FHOD3: variants seen among roughly 807,000 people sequenced by gnomAD.
FHOD3 encodes FH1/FH2 domain-containing protein 3.
In FHOD3, 90 loss-of-function variants were observed where a neutral mutation model predicts 173.0. The observed-to-expected ratio is 0.52, with a 90% CI of 0.44 to 0.62. The LOEUF is 0.62. Among genes scored for constraint, FHOD3 ranks in the 20% least tolerant of loss-of-function variants. The pLI, the probability that FHOD3 is intolerant of heterozygous loss-of-function variation, is 0.00. For missense variants in FHOD3, 1,945 were observed against 2,034.7 expected (o/e 0.96, Z 0.85); for synonymous variants, 828 against 823.0 (o/e 1.01, Z -0.10).
chr18:36,317,560 T>G (rs2044189363), intron 1 of FHOD3, among the ~76,000 whole-genome samples: 1 of 152,232 alleles, frequency 6.6e-6, no homozygotes, highest in Admixed American at 6.5e-5. Flanking sequence ...TTGCCCACTT[T>G]TTGATGGGGT....
chr18:36,552,562 G>A (rs1470465376), intron 5 of FHOD3, among the ~76,000 whole-genome samples: 3 of 150,100 alleles, frequency 2.0e-5, no homozygotes, highest in African/African-American at 7.4e-5. Context: ...GCAGTGGCGC[G>A]ATCTCGGCTC....
intron 3 of FHOD3, among the ~76,000 whole-genome samples, chr18:36,471,342 C>T (rs1324850203): frequency 3.9e-5 from 6 of 152,212 alleles, no homozygotes; most frequent in Admixed American, 3.9e-4. Flanking sequence ...TTGCATCCTG[C>T]TTTACTGTCT....
intron 2 of FHOD3, among the ~76,000 whole-genome samples, chr18:36,358,521 G>T (rs2046464335): frequency 6.6e-6 from 1 of 152,152 alleles, no homozygotes; most frequent in Non-Finnish European, 1.5e-5. Flanking sequence ...ATAGGTAGAG[G>T]TTGAATCCCA....
intron 7 of FHOD3, among the ~76,000 whole-genome samples, chr18:36,597,712 C>A (rs1568474446): frequency 6.6e-6 from 1 of 152,086 alleles, no homozygotes; most frequent in Non-Finnish European, 1.5e-5. Context: ...AGGCGTGAGC[C>A]ACTGTGCCTG....
chr18:36,380,578 T>TTTCC (rs2047715673), intron 3 of FHOD3, among the ~76,000 whole-genome samples: 1,232 of 52,382 alleles, frequency 0.024, 47 homozygotes, highest in East Asian at 0.073. Context: ...TTTTCTTTTC[T>TTTCC]TTTCCTTTCC....
chr18:36,395,538 C>CT (rs543766006), intron 3 of FHOD3, among the ~76,000 whole-genome samples: 166 of 151,964 alleles, frequency 1.1e-3, no homozygotes, highest in East Asian at 4.3e-3. Context: ...CATAATAATT[C>CT]TTTTTTTTCA....
At chr18:36,486,792 A>G (rs926781258) in intron 3 of FHOD3, among the ~76,000 whole-genome samples, 1 of 152,206 alleles carries the variant, frequency 6.6e-6, no homozygotes, top group African/African-American at 2.4e-5. Flanking sequence ...AGTTTCCTTC[A>G]TGTATTTTCC....
intron 14 of FHOD3, among the ~76,000 whole-genome samples, chr18:36,661,278 C>T (rs2036780155): frequency 6.6e-6 from 1 of 152,104 alleles, no homozygotes; most frequent in African/African-American, 2.4e-5. Context: ...CTTTGGATAT[C>T]ACCCATAATC....
intron 10 of FHOD3, among the ~76,000 whole-genome samples, chr18:36,636,150 T>G (rs935017302): frequency 2.0e-5 from 3 of 152,162 alleles, no homozygotes; most frequent in Admixed American, 2.0e-4. Context: ...AGATGCACCT[T>G]CTCCTCTGTG....
intron 3 of FHOD3, among the ~76,000 whole-genome samples, chr18:36,423,418 A>C (rs1467836189): frequency 1.3e-5 from 2 of 152,176 alleles, no homozygotes; most frequent in Non-Finnish European, 2.9e-5. Flanking sequence ...ATATTGTTTC[A>C]CCACAAAAGC....
Position 36,718,025 on chromosome 18 carries a change from AT to A in FHOD3, c.2728del (p.Ser910ProfsTer28). On this transcript the variant is annotated frameshift_variant, in exon 19 of 29. Transcript: ENST00000590592. LOFTEE classifies it high-confidence loss of function. The stretch of plus-strand genomic sequence containing the variant: ...CGGTAGCCAGCCTTGCTACCAGGAT[AT>A]CCACCCTGCAGGCCAACTCTCAGAC... Reference protein sequence around the residue: ...EAVASLATRISTLQANSQTQD... With the variant: ...EAVASLATRIXTLQANSQTQD... 1.2e-6 allele frequency: 2 copies of A among 1,607,334 alleles called. No homozygotes were observed. Among genetic ancestry groups the A allele is most frequent in the Non-Finnish European group, 1.7e-6 (2 of 1,176,610 alleles).
intron 19 of FHOD3, among the ~76,000 whole-genome samples, chr18:36,730,385 C>T (rs757234171): frequency 3.9e-5 from 6 of 152,118 alleles, no homozygotes; most frequent in Admixed American, 3.3e-4. Context: ...TGCAAAATAT[C>T]ACATTTTCCC....
intron 5 of FHOD3, among the ~76,000 whole-genome samples, chr18:36,529,559 C>G (rs1737169409): frequency 6.6e-6 from 1 of 152,086 alleles, no homozygotes; most frequent in Admixed American, 6.6e-5. Flanking sequence ...TGGCTCACGC[C>G]TGTAATCCTA....
At chr18:36,695,211 G>T (rs1568621700) in intron 17 of FHOD3, among the ~76,000 whole-genome samples, 1 of 152,030 alleles carries the variant, frequency 6.6e-6, no homozygotes, top group East Asian at 1.9e-4. Context: ...AATTAGCCGG[G>T]CGTGGTGGCG....
intron 14 of FHOD3, among the ~76,000 whole-genome samples, chr18:36,676,642 G>A (rs985709648): frequency 1.3e-5 from 2 of 152,106 alleles, no homozygotes; most frequent in African/African-American, 4.8e-5. Context: ...ACTTCTAGAA[G>A]CAGTGTATGA....
rs575970252 is a variant in FHOD3 at position 36,763,116 on chromosome 18, AATATGTGTATTATACACGTTAT to A, written c.4624+2361_4624+2382del. On this transcript the variant is annotated intron_variant, in intron 27 of 28. Transcript: ENST00000590592. Reference sequence around the variant, plus strand: ...TATGCGTATTATACACGTTATATATAATATGTGTATTATACACGTTATATATGTGTATTATACACGTTATATA... The same window carrying A: ...TATGCGTATTATACACGTTATATATAATATGTGTATTATACACGTTATATA... Among the ~76,000 whole-genome samples the A allele has an allele frequency of 6.0e-4, 78 of 130,868 alleles. No homozygotes were observed. In the South Asian group the frequency reaches 0.013, roughly 23 times the overall value. The allele number at this position is 130,868 out of a possible 152,430, so 85.9% of individuals were successfully genotyped here.
intron 3 of FHOD3, among the ~76,000 whole-genome samples, chr18:36,391,832 C>T (rs1343069982): frequency 2.0e-5 from 3 of 152,144 alleles, no homozygotes; most frequent in African/African-American, 7.2e-5. Flanking sequence ...CATGTGGCCC[C>T]CTGACTGTGT....
chr18:36,349,210 A>G (rs114029071), intron 1 of FHOD3, among the ~76,000 whole-genome samples: 1,589 of 152,118 alleles, frequency 0.01, 23 homozygotes, highest in African/African-American at 0.036. Flanking sequence ...CGAGTCTTTC[A>G]CCCTCCAGTG....
intron 3 of FHOD3, among the ~76,000 whole-genome samples, chr18:36,390,105 C>T (rs938579601): frequency 7.9e-5 from 12 of 152,146 alleles, no homozygotes; most frequent in Non-Finnish European, 1.8e-4. Context: ...AGAGATCCTC[C>T]CTAGACTGGG....
Sources: allele counts gnomAD v4.1 joint callset (sites outside exome capture counted in the v4.1 genomes callset), GRCh38; gene constraint gnomAD v4.1.1; transcripts MANE v1.5; gene names NCBI Gene and HGNC (gene_info 2026-07-23, HGNC 2026-07-21).